Variants in MYLK observed in about 807,000 individuals in gnomAD.
MYLK encodes myosin light chain kinase, smooth muscle.
MYLK carries 106 observed loss-of-function variants against 203.4 expected under a neutral mutation model. The ratio of observed to expected loss-of-function variants is 0.52; its 90% CI spans 0.45 to 0.61. The LOEUF (loss-of-function observed/expected upper bound fraction) is 0.61, where lower values mean the gene tolerates loss of function less well. MYLK is among the 20% of genes least tolerant of loss of function. The pLI is 0.00. For synonymous variants in MYLK, 867 were observed against 959.5 expected (o/e 0.90, Z 1.78); for missense variants, 2,072 against 2,442.3 (o/e 0.85, Z 3.20).
At chr3:123,856,425 T>G (rs1043221691) in intron 2 of MYLK, among the ~76,000 whole-genome samples, 1 of 152,244 alleles carries the variant, frequency 6.6e-6, no homozygotes, top group Non-Finnish European at 1.5e-5. Flanking sequence ...TGTGTGCTTC[T>G]TTTTGGTTTT....
At chr3:123,657,470 T>G in intron 23 of MYLK, 42 bp from the exon 24 acceptor site, 1 of 1,604,724 alleles carries the variant, frequency 6.2e-7, no homozygotes. Context: ...CTTTCCAGAA[T>G]TGCAGGCAAA....
Position 123,737,325 on chromosome 3 carries a change from G to C in MYLK, c.754+53C>G, listed in dbSNP as rs574256318. 1.2e-3 allele frequency: 2,009 copies of C among 1,612,362 alleles called. 6 individuals carry two copies. The highest frequency in any genetic ancestry group is 2.0e-3 in the Admixed American group (119 of 60,004). The stretch of plus-strand genomic sequence containing the variant: ...CAGTGAACAAGCAGCTCCTCTAGGA[G>C]GGTGCGGCACCAGGCAGGGATCGTT... On this transcript the variant is annotated intron_variant, in intron 8 of 33. Coordinates refer to ENST00000360304, the MANE Select transcript of MYLK (RefSeq NM_053025.4).
chr3:123,663,479 G>C (rs1360836404), intron 23 of MYLK, among the ~76,000 whole-genome samples: 1 of 152,192 alleles, frequency 6.6e-6, no homozygotes, highest in Admixed American at 6.5e-5. Context: ...ACCCCTGTCA[G>C]AGAGAGAAGG....
In MYLK at chr3:123,682,240, G is replaced by A. The variant is rs780768361; in HGVS notation, c.3636C>T (p.Pro1212=). The change falls in exon 20 of 34, where the codon CCC becomes CCT. Residue 1212 remains proline, a synonymous_variant. Coordinates refer to ENST00000360304, the MANE Select transcript of MYLK (RefSeq NM_053025.4). ...AGTACTCACTCTCAGTTCCTAGCAC[G>A]GGAGGAAGAGAGCTCTTGGGCCTCC... The part of the protein sequence containing the change: ...KSRRPKSSLP[P]VLGTESDATV... 43 of 1,601,634 alleles carry A rather than the reference G, an allele frequency of 2.7e-5. No individual in the cohort carries two copies. The highest frequency in any genetic ancestry group is 5.3e-5 in the African/African-American group (4 of 74,808).
chr3:123,658,353 C>T lies in MYLK; in HGVS notation c.3986-925G>A, dbSNP rs1233959715. ...TGACCTGGCCTCAGAACTAGCAGTA[C>T]TGCCAACTTCAAGTCAAATCATGGT... On this transcript the variant is annotated intron_variant, in intron 23 of 33. Coordinates refer to ENST00000360304, the MANE Select transcript of MYLK (RefSeq NM_053025.4). Among the ~76,000 whole-genome samples the T allele has an allele frequency of 3.9e-5, 6 of 152,220 alleles. No individual in the cohort carries two copies. In the South Asian group the frequency reaches 6.2e-4, roughly 16 times the overall value.
intron 3 of MYLK, among the ~76,000 whole-genome samples, chr3:123,826,901 A>G (rs549532318): frequency 1.2e-4 from 19 of 152,164 alleles, no homozygotes; most frequent in Non-Finnish European, 2.5e-4. Flanking sequence ...CCGACATCAC[A>G]AGACACATTC....
chr3:123,784,692 T>C (rs2064440612), intron 4 of MYLK, among the ~76,000 whole-genome samples: 1 of 152,236 alleles, frequency 6.6e-6, no homozygotes, highest in South Asian at 2.1e-4. Context: ...AATATTATAT[T>C]GTATAAATGT....
At chr3:123,767,342 C>T (rs998732658) in intron 4 of MYLK, among the ~76,000 whole-genome samples, 5 of 152,226 alleles carry the variant, frequency 3.3e-5, no homozygotes, top group Non-Finnish European at 7.3e-5. Context: ...TGTGGTGGCT[C>T]ATGCCTGTAA....
intron 2 of MYLK, among the ~76,000 whole-genome samples, chr3:123,860,836 C>T (rs1176971707): frequency 6.6e-6 from 1 of 152,106 alleles, no homozygotes; most frequent in Non-Finnish European, 1.5e-5. Flanking sequence ...TAGGTAAAAA[C>T]TGGTTAGACA....
chr3:123,849,444 T>G (rs1253799123), intron 2 of MYLK, among the ~76,000 whole-genome samples: 2 of 152,160 alleles, frequency 1.3e-5, no homozygotes, highest in Admixed American at 1.3e-4. Flanking sequence ...ATAGCTATGG[T>G]TTAAGTCTCT....
intron 20 of MYLK, among the ~76,000 whole-genome samples, chr3:123,669,938 G>A (rs192101660): frequency 3.3e-5 from 5 of 151,284 alleles, no homozygotes; most frequent in Non-Finnish European, 5.9e-5. Flanking sequence ...AGGCGGCTGA[G>A]GCAGAAGAAT....
chr3:123,780,503 T>A lies in MYLK; in HGVS notation c.165+13174A>T, dbSNP rs141498752. On this transcript the variant is annotated intron_variant, in intron 4 of 33. Transcript: ENST00000360304. ...TGTTATGTTGGAACAGGAAGGGGCA[T>A]CACAGTCATCTGGTTCAACTCTCTC... Among the ~76,000 whole-genome samples the A allele has an allele frequency of 1.4e-3, 213 of 152,320 alleles. 2 individuals carry two copies. In the Middle Eastern group the frequency reaches 0.02, roughly 15 times the overall value.
At chr3:123,838,921 C>T (rs911819097) in intron 2 of MYLK, among the ~76,000 whole-genome samples, 9 of 152,004 alleles carry the variant, frequency 5.9e-5, no homozygotes, top group Admixed American at 2.0e-4. Flanking sequence ...ATGGTGAAAC[C>T]CCATCTCTAC....
chr3:123,649,090 G>A (rs1447982021), intron 25 of MYLK, 26 bp from the exon 26 acceptor site: 1 of 1,613,944 alleles, frequency 6.2e-7, no homozygotes, highest in African/African-American at 1.3e-5. Context: ...CAGGGTTGGT[G>A]TGAGTCTCAG....
intron 3 of MYLK, among the ~76,000 whole-genome samples, chr3:123,795,086 A>G (rs2064936715): frequency 6.6e-6 from 1 of 152,230 alleles, no homozygotes; most frequent in South Asian, 2.1e-4. Flanking sequence ...GAAAATATCC[A>G]TAATTCTATT....
At position 123,685,038 on chromosome 3, in the gene MYLK, G is replaced by A. The variant is rs148416345; in HGVS notation, c.3566-2728C>T. On this transcript the variant is annotated intron_variant, in intron 19 of 33. Transcript: ENST00000360304. ...AGTTTTCCTGGGCTCCTGAAAGAAGGGCAGCAGGTACTGAGACTCCTTTCG... is the reference window on the plus strand; with the variant it reads ...AGTTTTCCTGGGCTCCTGAAAGAAGAGCAGCAGGTACTGAGACTCCTTTCG... Among the ~76,000 whole-genome samples the A allele has an allele frequency of 2.6e-5, 4 of 152,320 alleles. No homozygotes were observed. In the East Asian group the frequency reaches 7.7e-4, roughly 29 times the overall value.
intron 29 of MYLK, among the ~76,000 whole-genome samples, chr3:123,635,726 C>T (rs2058618957): frequency 6.6e-6 from 1 of 152,136 alleles, no homozygotes; most frequent in South Asian, 2.1e-4. Flanking sequence ...ATAAAGTGCC[C>T]TATGACCCAA....
rs369908853 is a variant in MYLK at position 123,723,913 on chromosome 3, C to T, written c.1652-1633G>A. Among the ~76,000 whole-genome samples the T allele has an allele frequency of 2.0e-4, 12 of 60,770 alleles. No homozygotes were observed. In the South Asian group the frequency reaches 3.6e-3, roughly 18 times the overall value. 39.9% of individuals were successfully genotyped at this position (60,770 alleles called of 152,430 possible). ...ATAGTTTTTACATATTTTAAATGGC[C>T]GAAAAATATAAAGGTAATTAATATA... is the stretch of plus-strand genomic sequence containing the variant. On this transcript the variant is annotated intron_variant, in intron 12 of 33. Coordinates refer to ENST00000360304, the MANE Select transcript of MYLK (RefSeq NM_053025.4).
At chr3:123,816,528 C>T (rs887805118) in intron 3 of MYLK, among the ~76,000 whole-genome samples, 2 of 152,222 alleles carry the variant, frequency 1.3e-5, no homozygotes, top group African/African-American at 4.8e-5. Context: ...AGAAAACTTC[C>T]ACACTCCAGG....
Sources: allele counts gnomAD v4.1 joint callset (sites outside exome capture counted in the v4.1 genomes callset), GRCh38; gene constraint gnomAD v4.1.1; transcripts MANE v1.5; gene names NCBI Gene and HGNC (gene_info 2026-07-23, HGNC 2026-07-21).